Variants in FARP1 observed in about 807,000 individuals in gnomAD.
FARP1 encodes the protein FERM, ARH/RhoGEF and pleckstrin domain protein 1.
FARP1 carries 52 observed loss-of-function variants against 128.8 expected under a neutral mutation model. That is an observed-to-expected ratio of 0.40 (90% CI 0.32 to 0.51). FARP1 has a LOEUF of 0.51. Among genes scored for constraint, FARP1 ranks in the 20% least tolerant of loss-of-function variants. The probability of loss-of-function intolerance (pLI) is 0.45; values close to 1 mark genes in which losing one functional copy is unlikely to be tolerated. For missense variants in FARP1, 1,333 were observed against 1,367.9 expected (o/e 0.97, Z 0.40); for synonymous variants, 580 against 551.8 (o/e 1.05, Z -0.72).
intron 25 of FARP1, chr13:98,446,430 GTCT>G (rs1892839622): frequency 1.7e-6 from 1 of 603,180 alleles, no homozygotes. Flanking sequence ...AGGGCCACCT[GTCT>G]TCTGCCTGGA....
At chr13:98,398,008 C>T (rs570871937) in intron 13 of FARP1, 6 of 151,514 alleles carry the variant, frequency 4.0e-5, no homozygotes, top group African/African-American at 1.5e-4. Context: ...TGATGTGCCA[C>T]CATACCAGGG....
chr13:98,171,735 T>C (rs964150823), intron 1 of FARP1, among the ~76,000 whole-genome samples: 2 of 152,200 alleles, frequency 1.3e-5, no homozygotes, highest in Non-Finnish European at 2.9e-5. Context: ...AGGGTGCAGA[T>C]TCAGTCAGAT....
At chr13:98,239,724 T>C (rs2139439717) in intron 2 of FARP1, among the ~76,000 whole-genome samples, 1 of 151,952 alleles carries the variant, frequency 6.6e-6, no homozygotes, top group South Asian at 2.1e-4. Flanking sequence ...TGGCATTGGT[T>C]ATTGAAGGGC....
At chr13:98,209,828 A>G (rs28577960) in intron 1 of FARP1, among the ~76,000 whole-genome samples, 20 of 92,782 alleles carry the variant, frequency 2.2e-4, no homozygotes, top group Admixed American at 4.7e-4. Flanking sequence ...AAAAAAAAAA[A>G]AGAAAAAGCC....
chr13:98,385,619 A>G (rs1346854141), intron 7 of FARP1, 48 bp from the exon 8 acceptor site: 3 of 1,599,652 alleles, frequency 1.9e-6, no homozygotes, highest in East Asian at 2.2e-5. Flanking sequence ...TAATAGATAC[A>G]GGGAATTCAA....
intron 2 of FARP1, among the ~76,000 whole-genome samples, chr13:98,315,620 G>C (rs944185442): frequency 6.6e-6 from 1 of 152,178 alleles, no homozygotes; most frequent in African/African-American, 2.4e-5. Context: ...TGGGAAGGCT[G>C]AGGAGTGCAG....
rs1260886587 is a variant in FARP1 at position 98,450,748 on chromosome 13, A to AGGCAGGTTCC, written c.*2432_*2441dup. 6.6e-6 allele frequency: 1 copy of AGGCAGGTTCC among 152,272 alleles called. No individual in the cohort carries two copies. The highest frequency in any genetic ancestry group is 1.5e-5 in the Non-Finnish European group (1 of 68,066). The allele number at this position is 152,272 out of a possible 1,614,324, so 9.4% of individuals were successfully genotyped here. On this transcript the variant is annotated 3_prime_UTR_variant, in exon 27 of 27. Transcript: ENST00000319562. ...TACAGACCAGCAGCAGTTGACGCTG[A>AGGCAGGTTCC]GGCAGGTTCCAGTGGTAGCCCTGGT...
At chr13:98,199,601 C>A (rs1305163029) in intron 1 of FARP1, among the ~76,000 whole-genome samples, 3 of 152,166 alleles carry the variant, frequency 2.0e-5, no homozygotes, top group African/African-American at 7.2e-5. Context: ...CATTATGGGC[C>A]AGGCAAGGGT....
chr13:98,197,268 A>C (rs967959621), intron 1 of FARP1, among the ~76,000 whole-genome samples: 1 of 152,162 alleles, frequency 6.6e-6, no homozygotes, highest in African/African-American at 2.4e-5. Flanking sequence ...GGAGTTCGAG[A>C]CCAGCCTGAC....
At position 98,244,690 on chromosome 13, in the gene FARP1, A is replaced by G. The variant is rs138672153; in HGVS notation, c.171+31277A>G. On this transcript the variant is annotated intron_variant, in intron 2 of 26. Transcript: ENST00000319562. ...AGCTTAGCGGTCACAGTCACTGAAGAGCTTCTTAATCTTTTTTGAGTCAGG... is the reference window on the plus strand; with the variant it reads ...AGCTTAGCGGTCACAGTCACTGAAGGGCTTCTTAATCTTTTTTGAGTCAGG... 2.8e-3 allele frequency: 4,509 copies of G among 1,613,928 alleles called. 12 individuals are homozygous for G. Among genetic ancestry groups the G allele is most frequent in the Middle Eastern group, 5.6e-3 (34 of 6,062 alleles).
intron 24 of FARP1, among the ~76,000 whole-genome samples, chr13:98,444,395 C>T (rs1892690476): frequency 6.6e-6 from 1 of 152,076 alleles, no homozygotes; most frequent in African/African-American, 2.4e-5. Flanking sequence ...AGCGGTGGCC[C>T]CAATGAAGGG....
At chr13:98,181,361 A>C (rs756352840) in intron 1 of FARP1, among the ~76,000 whole-genome samples, 8 of 152,214 alleles carry the variant, frequency 5.3e-5, no homozygotes, top group Non-Finnish European at 1.2e-4. Context: ...GTGGGGTATA[A>C]GAGGAAGAAT....
intron 2 of FARP1, among the ~76,000 whole-genome samples, chr13:98,215,614 A>G (rs532760682): frequency 1.3e-5 from 2 of 152,324 alleles, no homozygotes; most frequent in East Asian, 3.9e-4. Context: ...TAGTAATGAC[A>G]TGCACGTCCA....
intron 2 of FARP1, among the ~76,000 whole-genome samples, chr13:98,218,216 A>G (rs908018893): frequency 6.7e-6 from 1 of 149,598 alleles, no homozygotes; most frequent in Admixed American, 6.7e-5. Context: ...CCCCGAACAC[A>G]TTGATCAAAA....
At chr13:98,445,025 C>T (rs1892736353) in intron 24 of FARP1, 1 of 152,690 alleles carries the variant, frequency 6.5e-6, no homozygotes, top group Non-Finnish European at 1.5e-5. Flanking sequence ...GCGGGGTCCC[C>T]CACATCCTGC....
At position 98,277,139 on chromosome 13, in the gene FARP1, CA is replaced by C. The variant is rs1884693211; in HGVS notation, c.171+63727del. Among the ~76,000 whole-genome samples, 9 of 149,742 alleles carry C rather than the reference CA, an allele frequency of 6.0e-5. No individual in the cohort carries two copies. In the South Asian group the frequency reaches 1.3e-3, roughly 22 times the overall value. ...ACACACACACACACACACACACACACACACACACACCCCATATGTATATATT... is the reference window on the plus strand; with the variant it reads ...ACACACACACACACACACACACACACCACACACACCCCATATGTATATATT... On this transcript the variant is annotated intron_variant, in intron 2 of 26. Coordinates refer to ENST00000319562, the MANE Select transcript of FARP1 (RefSeq NM_005766.4).
intron 1 of FARP1, among the ~76,000 whole-genome samples, chr13:98,178,101 TA>T (rs753840619): frequency 4.6e-5 from 7 of 152,112 alleles, no homozygotes; most frequent in Non-Finnish European, 8.8e-5. Flanking sequence ...AAAAAAATAT[TA>T]TCAAGCACTT....
chr13:98,447,110 A>G, intron 26 of FARP1: 1 of 346,752 alleles, frequency 2.9e-6, no homozygotes, highest in South Asian at 3.8e-5. Context: ...AGCCCCAGTG[A>G]GACTGCCTAC....
chr13:98,287,794 G>A (rs1408690251), intron 2 of FARP1, among the ~76,000 whole-genome samples: 4 of 135,616 alleles, frequency 2.9e-5, no homozygotes, highest in African/African-American at 1.1e-4. Context: ...CATGTCCCAG[G>A]CACTTCTTTT....
Sources: gnomAD v4.1 joint callset for allele counts (sites outside exome capture counted in the v4.1 genomes callset) on GRCh38, gnomAD v4.1.1 for gene constraint, MANE v1.5 for transcripts, NCBI Gene and HGNC (gene_info 2026-07-23, HGNC 2026-07-21) for gene names.